TRPC5OS: variants seen among roughly 807,000 people sequenced by gnomAD.
TRPC5OS encodes the protein TRPC5 opposite strand.
For missense variants in TRPC5OS, 64 were observed against 79.3 expected (o/e 0.81, Z 0.73); for synonymous variants, 30 against 29.3 (o/e 1.02, Z -0.08).
chrX:111,897,448 G>A (rs1925121803), intron 3 of TRPC5OS, among the ~76,000 whole-genome samples: 1 of 110,803 alleles, frequency 9.0e-6, no homozygotes, highest in Non-Finnish European at 1.9e-5. Flanking sequence ...AATGAGTTTT[G>A]ACACACGCAT....
chrX:111,889,396 G>C (rs7885976), intron 1 of TRPC5OS, among the ~76,000 whole-genome samples: 11,400 of 111,824 alleles, frequency 0.1, 1,360 homozygotes, highest in African/African-American at 0.34. Context: ...TGTTCCCATT[G>C]AGTGAGCCTG....
At chrX:111,893,444 C>T (rs968409971) in intron 1 of TRPC5OS, among the ~76,000 whole-genome samples, 1 of 111,579 alleles carries the variant, frequency 9.0e-6, no homozygotes, top group Admixed American at 9.6e-5. Context: ...CATGTTTGAA[C>T]AGTGTTTTGA....
At chrX:111,898,755 A>T (rs1207377027) in intron 3 of TRPC5OS, among the ~76,000 whole-genome samples, 1 of 110,465 alleles carries the variant, frequency 9.1e-6, no homozygotes, top group African/African-American at 3.3e-5. Flanking sequence ...GCAAAAATGA[A>T]ATTTGTGTGT....
At chrX:111,882,302 G>A (rs931870719) in intron 1 of TRPC5OS, among the ~76,000 whole-genome samples, 3 of 111,473 alleles carry the variant, frequency 2.7e-5, no homozygotes, top group African/African-American at 9.8e-5. Context: ...AGTACCTCTG[G>A]CTGCAAAGAG....
chrX:111,899,886 T>A, intron 3 of TRPC5OS, among the ~76,000 whole-genome samples: 1 of 111,552 alleles, frequency 9.0e-6, no homozygotes, highest in Middle Eastern at 4.6e-3. Context: ...CTGCCTCTAG[T>A]ACCCGTTCTC....
intron 3 of TRPC5OS, among the ~76,000 whole-genome samples, chrX:111,898,798 G>C (rs1925196013): frequency 9.1e-6 from 1 of 110,465 alleles, no homozygotes; most frequent in African/African-American, 3.3e-5. Flanking sequence ...GCTTTACCCA[G>C]GTTGAGGGGT....
chrX:111,902,078 A>G lies in TRPC5OS; in HGVS notation c.229A>G (p.Arg77Gly), dbSNP rs1241867507. ...AGACTTAGACTCAATACTTACACCA[A>G]GAGAGGATGAAGACCTAATATTTGA... ...LSDLDSILTP[R>G]EDEDLIFDID... Residue 77 changes from arginine to glycine, a missense_variant, in exon 4 of 4, where the codon AGA (arginine) becomes GGA (glycine). By Grantham distance (125) the Arg-to-Gly change is moderately radical. Transcript: ENST00000635763. 1.7e-6 allele frequency: 2 copies of G among 1,154,800 alleles called. No individual in the cohort carries two copies. Among genetic ancestry groups the G allele is most frequent in the Non-Finnish European group, 2.3e-6 (2 of 872,149 alleles).
chrX:111,903,477 C>G lies in TRPC5OS; in HGVS notation c.*1292C>G, dbSNP rs1430317611. ...TTTGTCTTCTGCAAATTAGCCAACCCTAAGATGTTGCTATAAACAGCTGGT... is the reference window on the plus strand; with the variant it reads ...TTTGTCTTCTGCAAATTAGCCAACCGTAAGATGTTGCTATAAACAGCTGGT... On this transcript the variant is annotated 3_prime_UTR_variant, in exon 4 of 4. Coordinates refer to ENST00000635763, the MANE Select transcript of TRPC5OS (RefSeq NM_001195578.2). 2 of 111,903 alleles carry G rather than the reference C, an allele frequency of 1.8e-5. No individual in the cohort carries two copies. The highest frequency in any genetic ancestry group is 3.8e-5 in the Non-Finnish European group (2 of 53,136). 9.2% of individuals were successfully genotyped at this position (111,903 alleles called of 1,213,427 possible).
At chrX:111,876,313 T>C (rs1051905053) in intron 1 of TRPC5OS, 40 bp downstream of exon 1, 5 of 111,446 alleles carry the variant, frequency 4.5e-5, no homozygotes, top group African/African-American at 1.6e-4. Flanking sequence ...TGCAAGTCTA[T>C]GAGAGAAGAC....
intron 1 of TRPC5OS, among the ~76,000 whole-genome samples, chrX:111,883,112 T>C (rs1002337415): frequency 9.2e-6 from 1 of 109,132 alleles, no homozygotes; most frequent in African/African-American, 3.3e-5. Context: ...AAAGACCTAG[T>C]CACAGCCTAA....
At chrX:111,889,372 TGAGA>T (rs1386674372) in intron 1 of TRPC5OS, among the ~76,000 whole-genome samples, 1 of 112,202 alleles carries the variant, frequency 8.9e-6, no homozygotes, top group African/African-American at 3.2e-5. Flanking sequence ...TCATAAGAGA[TGAGA>T]GAGAAATTTT....
intron 3 of TRPC5OS, among the ~76,000 whole-genome samples, chrX:111,900,058 C>T (rs929934401): frequency 2.7e-5 from 3 of 111,184 alleles, no homozygotes; most frequent in Non-Finnish European, 5.7e-5. Context: ...AGATACTATA[C>T]AACTGAGTGG....
At chrX:111,897,482 AC>A (rs1363284151) in intron 3 of TRPC5OS, among the ~76,000 whole-genome samples, 3 of 111,199 alleles carry the variant, frequency 2.7e-5, no homozygotes, top group East Asian at 5.7e-4. Flanking sequence ...CCACAACCGT[AC>A]CTAAACATGA....
At position 111,903,384 on chromosome X, in the gene TRPC5OS, G is replaced by A. The variant is rs1246346205; in HGVS notation, c.*1199G>A. Reference sequence around the variant, plus strand: ...ATTAATAAATTGTCAACAGTTATGCGACGGTTTATGATGGAAAGCCATGAT... The same window carrying A: ...ATTAATAAATTGTCAACAGTTATGCAACGGTTTATGATGGAAAGCCATGAT... On this transcript the variant is annotated 3_prime_UTR_variant, in exon 4 of 4. Coordinates refer to ENST00000635763, the MANE Select transcript of TRPC5OS (RefSeq NM_001195578.2). The A allele has an allele frequency of 2.7e-5, 3 of 112,103 alleles. No homozygotes were observed. The highest frequency in any genetic ancestry group is 5.6e-5 in the Non-Finnish European group (3 of 53,196). 9.2% of individuals were successfully genotyped at this position (112,103 alleles called of 1,213,427 possible). A position where few individuals can be genotyped will look rare whatever the true frequency, so the allele number is the denominator to read the frequency against.
chrX:111,897,019 CG>C (rs1301161840), intron 3 of TRPC5OS, among the ~76,000 whole-genome samples: 1 of 112,007 alleles, frequency 8.9e-6, no homozygotes, highest in African/African-American at 3.2e-5. Context: ...GATGGTTTAG[CG>C]TACACAAACT....
intron 1 of TRPC5OS, among the ~76,000 whole-genome samples, chrX:111,889,396 G>A (rs7885976): frequency 8.9e-6 from 1 of 111,798 alleles, no homozygotes; most frequent in Non-Finnish European, 1.9e-5. Context: ...TGTTCCCATT[G>A]AGTGAGCCTG....
intron 3 of TRPC5OS, among the ~76,000 whole-genome samples, chrX:111,901,247 C>T (rs924814228): frequency 1.7e-4 from 19 of 111,570 alleles, no homozygotes; most frequent in African/African-American, 6.2e-4. Context: ...TAATAATTGA[C>T]AGACCCTGCG....
At chrX:111,880,047 T>C (rs1924136093) in intron 1 of TRPC5OS, among the ~76,000 whole-genome samples, 1 of 112,017 alleles carries the variant, frequency 8.9e-6, no homozygotes, top group East Asian at 2.8e-4. Flanking sequence ...AATCTCTGTT[T>C]TCATATTTTT....
At chrX:111,893,096 C>T (rs763361820) in intron 1 of TRPC5OS, among the ~76,000 whole-genome samples, 2,985 of 68,535 alleles carry the variant, frequency 0.044, 57 homozygotes, top group Non-Finnish European at 0.06. Flanking sequence ...TTTTTTTTTT[C>T]GGATACCAGA....
Sources: allele counts gnomAD v4.1 joint callset (sites outside exome capture counted in the v4.1 genomes callset), GRCh38; gene constraint gnomAD v4.1.1; transcripts MANE v1.5; gene names NCBI Gene and HGNC (gene_info 2026-07-23, HGNC 2026-07-21).